Variants in FBN2 observed in about 807,000 individuals in gnomAD.
FBN2 encodes the protein fibrillin-2.
Under a neutral mutation model 355.6 loss-of-function variants are expected in FBN2, and 105 were observed. The observed-to-expected ratio is 0.30, with a 90% CI of 0.25 to 0.35. The LOEUF is 0.35. FBN2 is among the 10% of genes least tolerant of loss of function. The probability of loss-of-function intolerance (pLI) is 1.00; values close to 1 mark genes in which losing one functional copy is unlikely to be tolerated. For missense variants in FBN2, 3,280 were observed against 3,758.7 expected, an observed-to-expected ratio of 0.87 and a Z score of 3.33; for synonymous variants, 1,350 against 1,301.2, an observed-to-expected ratio of 1.04 and a Z score of -0.81.
chr5:128,290,897 G>A lies in FBN2; in HGVS notation c.6293-13C>T, dbSNP rs1171108568. ...CTCTGGCGAGTATCTAATCAAAAAAGCAAACATTACAGATGGAATTATTTT... is the reference window on the plus strand; with the variant it reads ...CTCTGGCGAGTATCTAATCAAAAAAACAAACATTACAGATGGAATTATTTT... On this transcript the variant is annotated splice_polypyrimidine_tract_variant and intron_variant, in intron 49 of 64. Coordinates refer to ENST00000262464, the MANE Select transcript of FBN2 (RefSeq NM_001999.4). The A allele has an allele frequency of 1.2e-6, 2 of 1,612,288 alleles. No individual in the cohort carries two copies. The highest frequency in any genetic ancestry group is 1.7e-6 in the Non-Finnish European group (2 of 1,178,592).
intron 48 of FBN2, among the ~76,000 whole-genome samples, chr5:128,292,323 C>T (rs1749348348): frequency 6.6e-6 from 1 of 150,598 alleles, no homozygotes; most frequent in Admixed American, 6.7e-5. Context: ...AATAAATAAG[C>T]ATGCCTGCCT....
At chr5:128,347,772 T>C (rs1751223334) in intron 23 of FBN2, among the ~76,000 whole-genome samples, 1 of 124,872 alleles carries the variant, frequency 8.0e-6, no homozygotes. Flanking sequence ...CATCTTAGAA[T>C]ATTAAAAAAT....
Position 128,350,948 on chromosome 5 carries a change from A to ATAT in FBN2, c.2729_2731dup (p.Asn910dup). On this transcript the variant is annotated inframe_insertion, in exon 21 of 65. Coordinates refer to ENST00000262464, the MANE Select transcript of FBN2 (RefSeq NM_001999.4). ...TTCAGATTTCAGAGTGGCTCCATTA[A>ATAT]TATTCACCTCACAGCGGCTGTCCTG... 6.2e-7 allele frequency: 1 copy of ATAT among 1,614,166 alleles called. No homozygotes were observed. Among genetic ancestry groups the ATAT allele is most frequent in the Admixed American group, 1.7e-5 (1 of 60,018 alleles).
In FBN2 at chr5:128,363,390, A is replaced by G. The variant is rs540509917; in HGVS notation, c.2428+1210T>C. On this transcript the variant is annotated intron_variant, in intron 18 of 64. Transcript: ENST00000262464. Reference sequence around the variant, plus strand: ...TTTTTTAGTAGAGGGGGGTTTCACCATGTTGGCCAGGCTGGTCTCAAACTC... The same window carrying G: ...TTTTTTAGTAGAGGGGGGTTTCACCGTGTTGGCCAGGCTGGTCTCAAACTC... Among the ~76,000 whole-genome samples, 3 of 152,118 alleles carry G rather than the reference A, an allele frequency of 2.0e-5. No homozygotes were observed. In the East Asian group the frequency reaches 5.8e-4, roughly 29 times the overall value.
chr5:128,455,915 G>T (rs1375509141), intron 6 of FBN2, among the ~76,000 whole-genome samples: 7 of 148,354 alleles, frequency 4.7e-5, no homozygotes, highest in African/African-American at 1.8e-4. Context: ...AGCCCCCCGG[G>T]GGTTGTGGCG....
chr5:128,322,013 T>C (rs1360612809), intron 34 of FBN2, among the ~76,000 whole-genome samples: 2 of 152,230 alleles, frequency 1.3e-5, no homozygotes, highest in African/African-American at 4.8e-5. Context: ...TATCTCATTG[T>C]GGTTTTGATT....
chr5:128,302,816 A>G (rs1026719550), intron 46 of FBN2, among the ~76,000 whole-genome samples, 157 bp downstream of exon 46: 2 of 152,218 alleles, frequency 1.3e-5, no homozygotes, highest in African/African-American at 2.4e-5. Flanking sequence ...CTATGGTTTC[A>G]GTTAACTAGA....
intron 34 of FBN2, among the ~76,000 whole-genome samples, chr5:128,326,430 C>T (rs916147161): frequency 6.6e-6 from 1 of 152,120 alleles, no homozygotes; most frequent in Admixed American, 6.6e-5. Context: ...CTCTCATGTT[C>T]CTGCAGGGGC....
chr5:128,264,602 C>T (rs575602927), intron 62 of FBN2, among the ~76,000 whole-genome samples: 1 of 152,294 alleles, frequency 6.6e-6, no homozygotes, highest in African/African-American at 2.4e-5. Context: ...CAGCATGTGG[C>T]TTGACTTCTT....
chr5:128,366,871 TG>T (rs1751784763), intron 16 of FBN2, among the ~76,000 whole-genome samples: 1 of 152,164 alleles, frequency 6.6e-6, no homozygotes, highest in African/African-American at 2.4e-5. Context: ...TAAATACTAT[TG>T]TATTTTCCTT....
intron 34 of FBN2, among the ~76,000 whole-genome samples, chr5:128,326,921 G>A (rs1214820840): frequency 6.6e-6 from 1 of 152,126 alleles, no homozygotes; most frequent in Non-Finnish European, 1.5e-5. Context: ...AAGGGCCTAT[G>A]CCACCCATAA....
chr5:128,360,837 A>AT (rs1232001762), intron 19 of FBN2, among the ~76,000 whole-genome samples: 4 of 151,902 alleles, frequency 2.6e-5, no homozygotes, highest in East Asian at 3.8e-4. Flanking sequence ...ACTTTAACAG[A>AT]TAAAAAAAAA....
chr5:128,349,279 G>A, intron 23 of FBN2, 68 bp downstream of exon 23: 1 of 1,587,632 alleles, frequency 6.3e-7, no homozygotes. Context: ...TTTTGGACTA[G>A]CCACTGCTTA....
At chr5:128,410,341 T>G (rs1299648036) in intron 7 of FBN2, among the ~76,000 whole-genome samples, 1 of 152,130 alleles carries the variant, frequency 6.6e-6, no homozygotes, top group Non-Finnish European at 1.5e-5. Flanking sequence ...GAGATGAAAC[T>G]AAACAGCTGT....
At chr5:128,286,875 A>C in intron 54 of FBN2, 26 bp from the exon 55 acceptor site, 1 of 1,610,698 alleles carries the variant, frequency 6.2e-7, no homozygotes. Context: ...AAAATTAAAA[A>C]TTATCTGGAG....
chr5:128,260,509 T>A (rs944507751), intron 64 of FBN2, among the ~76,000 whole-genome samples: 1 of 152,240 alleles, frequency 6.6e-6, no homozygotes, highest in Non-Finnish European at 1.5e-5. Flanking sequence ...AATGCTTTGA[T>A]TGGGCATCTG....
At chr5:128,423,597 C>T (rs1753410630) in intron 7 of FBN2, among the ~76,000 whole-genome samples, 1 of 152,126 alleles carries the variant, frequency 6.6e-6, no homozygotes, top group African/African-American at 2.4e-5. Flanking sequence ...AACCATATCA[C>T]AAAGCAAGAG....
chr5:128,338,218 G>A (rs989652695), intron 26 of FBN2, 96 bp from the exon 27 acceptor site: 2 of 1,218,058 alleles, frequency 1.6e-6, no homozygotes, highest in Non-Finnish European at 2.4e-6. Context: ...ATGTGAGAGT[G>A]TGAGTTAGTG....
chr5:128,272,213 G>A, intron 61 of FBN2, 95 bp from the exon 62 acceptor site: 1 of 1,396,354 alleles, frequency 7.2e-7, no homozygotes, highest in Non-Finnish European at 1.0e-6. Context: ...GTTATCATGG[G>A]AACAAACAAA....
Sources: allele counts gnomAD v4.1 joint callset (sites outside exome capture counted in the v4.1 genomes callset), GRCh38; gene constraint gnomAD v4.1.1; transcripts MANE v1.5; gene names NCBI Gene and HGNC (gene_info 2026-07-23, HGNC 2026-07-21).